AKAP17A: variants seen among roughly 807,000 people sequenced by gnomAD.
The protein encoded by AKAP17A is A-kinase anchor protein 17A.
In AKAP17A, 15 loss-of-function variants were observed where a neutral mutation model predicts 52.2. The ratio of observed to expected loss-of-function variants is 0.29; its 90% CI spans 0.19 to 0.44. The LOEUF is 0.44. Ranked by LOEUF, AKAP17A falls within the 20% of genes least tolerant of loss-of-function variation. The probability of loss-of-function intolerance (pLI) is 1.00; values close to 1 mark genes in which losing one functional copy is unlikely to be tolerated. For synonymous variants in AKAP17A, 514 were observed against 424.7 expected (o/e 1.21, Z -2.58); for missense variants, 1,060 against 1,007.0 (o/e 1.05, Z -0.71).
At chrX:1,599,513 C>G in intron 4 of AKAP17A, 81 bp downstream of exon 4, 1 of 1,541,118 alleles carries the variant, frequency 6.5e-7, no homozygotes, top group Non-Finnish European at 8.8e-7. Flanking sequence ...GGCGGCGTCA[C>G]GGCGCCGTTT....
chrX:1,599,191 G>T lies in AKAP17A; in HGVS notation c.912-1G>T. 1 of 1,611,584 alleles carries T rather than the reference G, an allele frequency of 6.2e-7. No individual in the cohort carries two copies. The highest frequency in any genetic ancestry group is 8.5e-7 in the Non-Finnish European group (1 of 1,179,670). On this transcript the variant is annotated splice_acceptor_variant, in intron 3 of 4. Transcript: ENST00000313871. LOFTEE classifies it high-confidence loss of function. Reference sequence around the variant, plus strand: ...GACCACCCCCGGTGTGTTCCACACAGGAAACAAAAGGAGCTGGAAGAGCTG... The same window carrying T: ...GACCACCCCCGGTGTGTTCCACACATGAAACAAAAGGAGCTGGAAGAGCTG...
At position 1,600,812 on chromosome X, in the gene AKAP17A, G is replaced by A. The variant is rs765969002; in HGVS notation, c.1306G>A (p.Glu436Lys). 6.9e-6 allele frequency: 11 copies of A among 1,591,360 alleles called. No individual in the cohort carries two copies. Among genetic ancestry groups the A allele is most frequent in the South Asian group, 1.1e-5 (1 of 88,890 alleles). Residue 436 changes from glutamate (E) to lysine (K), a missense_variant, in exon 5 of 5, where the codon GAG (glutamate) becomes AAG (lysine). Physicochemically the swap from Glu to Lys is moderately conservative, Grantham distance 56. Coordinates refer to ENST00000313871, the MANE Select transcript of AKAP17A (RefSeq NM_005088.3). The stretch of plus-strand genomic sequence containing the variant: ...GCAGCGGAAAGAGCGGGAGCTGCGC[G>A]AGCGGCTGCTGAGCATCCTGCTGAG... ...GLQRKERELRERLLSILLSKK... is the reference protein window; with the variant it reads ...GLQRKERELRKRLLSILLSKK...
At position 1,601,240 on chromosome X, in the gene AKAP17A, G is replaced by C; in HGVS notation, c.1734G>C (p.Lys578Asn). 2 of 1,613,808 alleles carry C rather than the reference G, an allele frequency of 1.2e-6. No individual in the cohort carries two copies. The highest frequency in any genetic ancestry group is 1.7e-6 in the Non-Finnish European group (2 of 1,179,762). ...AGGACACCCGGTCAGAACAGGACAA[G>C]TGCAACCGGGAGCCCAGCAAGGGCC... is the stretch of plus-strand genomic sequence containing the variant. ...SRKDTRSEQD[K>N]CNREPSKGRG... Residue 578 changes from lysine to asparagine, a missense_variant, in exon 5 of 5, where the codon AAG becomes AAC. By Grantham distance (94) the Lys-to-Asn change is moderately conservative. Transcript: ENST00000313871.
chrX:1,595,611 C>T, intron 3 of AKAP17A, 79 bp downstream of exon 3: 6 of 1,589,894 alleles, frequency 3.8e-6, no homozygotes, highest in Non-Finnish European at 5.2e-6. Flanking sequence ...CGTGTGTCTG[C>T]ATGTATTCCT....
chrX:1,597,127 G>A (rs1210277134), intron 3 of AKAP17A, among the ~76,000 whole-genome samples: 14 of 152,232 alleles, frequency 9.2e-5, no homozygotes, highest in Non-Finnish European at 1.8e-4. Context: ...TGTGACGCTG[G>A]TGCCAGCGTG....
Position 1,600,929 on chromosome X carries a change from T to TCGTC in AKAP17A, c.1426_1429dup (p.Gly477ValfsTer77). 6.3e-7 allele frequency: 1 copy of TCGTC among 1,576,348 alleles called. No homozygotes were observed. Among genetic ancestry groups the TCGTC allele is most frequent in the Non-Finnish European group, 8.6e-7 (1 of 1,164,524 alleles). On this transcript the variant is annotated frameshift_variant, in exon 5 of 5. Transcript: ENST00000313871. LOFTEE classifies it high-confidence loss of function. ...CGTCCTGGACATCCTGCAGACCGTG[T>TCGTC]CGTCCGGCTGTGTGAGCGCCACCAC...
At chrX:1,596,226 T>TAA (rs561491812) in intron 3 of AKAP17A, among the ~76,000 whole-genome samples, 14,749 of 133,238 alleles carry the variant, frequency 0.11, 1,079 homozygotes, top group African/African-American at 0.22. Context: ...TGGCCAGATT[T>TAA]AAAAAAAAAA....
intron 4 of AKAP17A, chrX:1,600,294 C>T: frequency 1.0e-6 from 1 of 982,414 alleles, no homozygotes; most frequent in South Asian, 1.5e-5. Flanking sequence ...CATCTCAGCT[C>T]CCTGTTGCTG....
At chrX:1,598,663 G>T (rs1208547230) in intron 3 of AKAP17A, among the ~76,000 whole-genome samples, 2 of 152,144 alleles carry the variant, frequency 1.3e-5, no homozygotes, top group Non-Finnish European at 2.9e-5. Flanking sequence ...CCTCTCCACA[G>T]GAAAAGTGCA....
rs1341667997 is a variant in AKAP17A at position 1,598,412 on chromosome X, C to T, written c.912-780C>T. Among the ~76,000 whole-genome samples, 6 of 152,290 alleles carry T rather than the reference C, an allele frequency of 3.9e-5. 1 individual carries two copies. Among genetic ancestry groups the T allele is most frequent in the East Asian group, 1.9e-4 (1 of 5,160 alleles). ...TCTGCGTGGGTCTGTGTCACCCCGGCGGGCTTTGTGGCCTCACTAGGCGGT... is the reference window on the plus strand; with the variant it reads ...TCTGCGTGGGTCTGTGTCACCCCGGTGGGCTTTGTGGCCTCACTAGGCGGT... On this transcript the variant is annotated intron_variant, in intron 3 of 4. Transcript: ENST00000313871.
chrX:1,599,473 G>C (rs747699543), intron 4 of AKAP17A, 41 bp downstream of exon 4: 10 of 1,551,894 alleles, frequency 6.4e-6, no homozygotes, highest in South Asian at 4.8e-5. Context: ...CCGCGCCCGG[G>C]CTGCCCTCAG....
chrX:1,600,287 C>T, intron 4 of AKAP17A: 1 of 1,008,224 alleles, frequency 9.9e-7, no homozygotes, highest in South Asian at 1.4e-5. Flanking sequence ...GCGGCGTCAT[C>T]TCAGCTCCCT....
rs28513563 is a variant in AKAP17A, at chrX:1,599,115, T to C, written c.912-77T>C. The C allele has an allele frequency of 7.0e-5, 109 of 1,561,186 alleles. 1 individual carries two copies. The highest frequency in any genetic ancestry group is 3.5e-5 in the Non-Finnish European group (41 of 1,156,462). On this transcript the variant is annotated intron_variant, in intron 3 of 4. Coordinates refer to ENST00000313871, the MANE Select transcript of AKAP17A (RefSeq NM_005088.3). ...TGGACCGTGGCCTGTTCCGCCGTGT[T>C]TGGAAAGCCGCTTGTATGGTGTGTG...
At chrX:1,598,254 C>T (rs1370075694) in intron 3 of AKAP17A, among the ~76,000 whole-genome samples, 2 of 152,182 alleles carry the variant, frequency 1.3e-5, no homozygotes, top group African/African-American at 4.8e-5. Flanking sequence ...CTGCATGCCC[C>T]GCCCGGAGAC....
Position 1,601,160 on chromosome X carries a change from G to A in AKAP17A, c.1654G>A (p.Asp552Asn). 1.2e-6 allele frequency: 2 copies of A among 1,613,826 alleles called. No homozygotes were observed. Among genetic ancestry groups the A allele is most frequent in the Non-Finnish European group, 1.7e-6 (2 of 1,179,734 alleles). The change falls in exon 5 of 5, where the codon GAC becomes AAC. Residue 552 changes from aspartate (D) to asparagine (N), a missense_variant. Asp to Asn is a conservative substitution (Grantham distance 23, BLOSUM62 1). Coordinates refer to ENST00000313871, the MANE Select transcript of AKAP17A (RefSeq NM_005088.3). ...GGGCGGCGTCCTCTCCTGCATTCCT[G>A]ACAACAACCAACAGCCCAAGGGCAT... ...CPGGVLSCIP[D>N]NNQQPKGIPA...
chrX:1,597,166 C>T (rs775453321), intron 3 of AKAP17A, among the ~76,000 whole-genome samples: 13 of 151,638 alleles, frequency 8.6e-5, no homozygotes, highest in East Asian at 7.7e-4. Flanking sequence ...GATGTTTGCA[C>T]GAGAGTCCCG....
chrX:1,599,743 G>A (rs1933249685), intron 4 of AKAP17A: 1 of 618,286 alleles, frequency 1.6e-6, no homozygotes, highest in Admixed American at 2.9e-5. Flanking sequence ...GGCAGTGGCA[G>A]AGAGTGCAGG....
intron 3 of AKAP17A, among the ~76,000 whole-genome samples, chrX:1,595,777 G>C (rs1193924373): frequency 6.6e-6 from 1 of 150,860 alleles, no homozygotes; most frequent in Non-Finnish European, 1.5e-5. Context: ...CTGTGTGTGC[G>C]TGCATGTGTG....
At chrX:1,599,098 G>A in intron 3 of AKAP17A, 94 bp from the exon 4 acceptor site, 2 of 1,533,886 alleles carry the variant, frequency 1.3e-6, no homozygotes, top group South Asian at 1.3e-5. Context: ...GTTGGACCGT[G>A]GCCTGTTCCG....
Sources: allele counts gnomAD v4.1 joint callset (sites outside exome capture counted in the v4.1 genomes callset), GRCh38; gene constraint gnomAD v4.1.1; transcripts MANE v1.5; gene names NCBI Gene and HGNC (gene_info 2026-07-23, HGNC 2026-07-21).